The following GK5 variants were observed in gnomAD, a reference collection of about 807,000 sequenced individuals.
The protein encoded by GK5 is glycerol kinase 5, also known as ATP:glycerol 3-phosphotransferase 5.
In GK5, 39 loss-of-function variants were observed where a neutral mutation model predicts 77.3. That is an observed-to-expected ratio of 0.50 (90% CI 0.39 to 0.66). GK5 has a LOEUF of 0.66. GK5 is among the 30% of genes least tolerant of loss of function. The probability of loss-of-function intolerance (pLI) is 0.00; values close to 1 mark genes in which losing one functional copy is unlikely to be tolerated. For synonymous variants in GK5, 211 were observed against 208.0 expected, an observed-to-expected ratio of 1.01 and a Z score of -0.13; for missense variants, 487 against 633.8, an observed-to-expected ratio of 0.77 and a Z score of 2.49.
At chr3:142,192,171 C>T (rs976674790) in intron 5 of GK5, among the ~76,000 whole-genome samples, 93 of 152,270 alleles carry the variant, frequency 6.1e-4, no homozygotes, top group African/African-American at 2.1e-3. Flanking sequence ...TACTACTACA[C>T]ACCTATTAAA....
Position 142,174,129 on chromosome 3 carries a change from A to AG in GK5, c.1144-1674dup, listed in dbSNP as rs575146060. 8.5e-4 allele frequency among the ~76,000 whole-genome samples: 130 copies of AG among 152,302 alleles called. 1 individual carries two copies. Among genetic ancestry groups the AG allele is most frequent in the Admixed American group, 8.0e-3 (122 of 15,296 alleles). ...TTCCTCAATACACTATAAGTACCAC[A>AG]GGGTGGAACCTTGTCCGATGTACTC... On this transcript the variant is annotated intron_variant, in intron 12 of 15. Coordinates refer to ENST00000392993, the MANE Select transcript of GK5 (RefSeq NM_001039547.3).
chr3:142,217,868 A>C (rs532021001), intron 1 of GK5, among the ~76,000 whole-genome samples: 6 of 152,240 alleles, frequency 3.9e-5, no homozygotes, highest in Non-Finnish European at 8.8e-5. Flanking sequence ...AAGAACTGCC[A>C]TCCCAGATTT....
intron 1 of GK5, among the ~76,000 whole-genome samples, chr3:142,223,432 T>C (rs2064381950): frequency 1.3e-5 from 2 of 152,362 alleles, no homozygotes; most frequent in South Asian, 4.1e-4. Flanking sequence ...TCATTTTTCT[T>C]TTCAGGCTGG....
chr3:142,204,913 G>A (rs1577140631), intron 3 of GK5, 125 bp from the exon 4 acceptor site: 1 of 609,152 alleles, frequency 1.6e-6, no homozygotes. Context: ...AGTTACATGT[G>A]CCTTTCTGAA....
At chr3:142,197,821 A>C (rs1294776525) in intron 5 of GK5, among the ~76,000 whole-genome samples, 2 of 151,834 alleles carry the variant, frequency 1.3e-5, no homozygotes, top group East Asian at 3.9e-4. Context: ...TCAGGAGTTC[A>C]AGACCAGCCT....
intron 2 of GK5, among the ~76,000 whole-genome samples, chr3:142,214,468 T>C (rs2107797498): frequency 6.6e-6 from 1 of 152,294 alleles, no homozygotes; most frequent in African/African-American, 2.4e-5. Context: ...CGGGAAAATC[T>C]GGGACAACTT....
At chr3:142,207,857 T>C (rs867840586) in intron 3 of GK5, among the ~76,000 whole-genome samples, 3 of 152,242 alleles carry the variant, frequency 2.0e-5, no homozygotes, top group Non-Finnish European at 2.9e-5. Flanking sequence ...ACTCTGTTGA[T>C]AGGGTCCTGT....
At chr3:142,186,059 T>C (rs1193274676) in intron 8 of GK5, 70 bp from the exon 9 acceptor site, 1 of 1,337,496 alleles carries the variant, frequency 7.5e-7, no homozygotes, top group Non-Finnish European at 1.1e-6. Context: ...CAGCAAATTG[T>C]TTTTTTGCAT....
rs2063535463 is a variant in GK5, at chr3:142,171,399, T to A, written c.1307+20A>T. 6.8e-7 allele frequency: 1 copy of A among 1,469,508 alleles called. No individual in the cohort carries two copies. Among genetic ancestry groups the A allele is most frequent in the Admixed American group, 2.4e-5 (1 of 42,438 alleles). The allele number at this position is 1,469,508 out of a possible 1,614,324, so 91.0% of individuals were successfully genotyped here. A position where few individuals can be genotyped will look rare whatever the true frequency, so the allele number is the denominator to read the frequency against. The stretch of plus-strand genomic sequence containing the variant: ...ACTTCTAATTTCTAATTAAGTCTAT[T>A]AGAAATAAACTTTACATACCGGATT... On this transcript the variant is annotated intron_variant, in intron 14 of 15. Transcript: ENST00000392993.
At chr3:142,199,766 AG>A (rs1257042903) in intron 4 of GK5, among the ~76,000 whole-genome samples, 36 of 151,160 alleles carry the variant, frequency 2.4e-4, no homozygotes, top group African/African-American at 8.5e-4. Context: ...AAGACATACT[AG>A]GAAAAAAAAA....
chr3:142,216,343 G>A (rs2064276505), intron 1 of GK5, among the ~76,000 whole-genome samples: 1 of 152,110 alleles, frequency 6.6e-6, no homozygotes, highest in Non-Finnish European at 1.5e-5. Context: ...CAGAGGAAAT[G>A]GGGCAGATCT....
chr3:142,174,107 C>T (rs556150258), intron 12 of GK5, among the ~76,000 whole-genome samples: 5 of 152,244 alleles, frequency 3.3e-5, no homozygotes, highest in Admixed American at 3.3e-4. Flanking sequence ...CCCCACCTTC[C>T]TCAATACACT....
At chr3:142,202,700 T>C (rs935948376) in intron 4 of GK5, among the ~76,000 whole-genome samples, 2 of 152,214 alleles carry the variant, frequency 1.3e-5, no homozygotes, top group African/African-American at 4.8e-5. Context: ...TTCATACCTG[T>C]AATACCAGCA....
At chr3:142,220,034 T>C (rs2107800514) in intron 1 of GK5, among the ~76,000 whole-genome samples, 1 of 152,344 alleles carries the variant, frequency 6.6e-6, no homozygotes, top group East Asian at 1.9e-4. Context: ...GGCTTAAACA[T>C]ATGCATGTAT....
At chr3:142,189,749 G>A (rs371799543) in intron 5 of GK5, among the ~76,000 whole-genome samples, 4 of 152,098 alleles carry the variant, frequency 2.6e-5, no homozygotes, top group Admixed American at 6.5e-5. Context: ...AACTAGGACC[G>A]GCTCTCATAG....
chr3:142,197,633 T>C (rs2063953552), intron 5 of GK5, among the ~76,000 whole-genome samples: 1 of 152,232 alleles, frequency 6.6e-6, no homozygotes, highest in Admixed American at 6.5e-5. Flanking sequence ...ATGTCAATTA[T>C]GACAGTAAAT....
intron 11 of GK5, among the ~76,000 whole-genome samples, chr3:142,180,220 A>G (rs2063675188): frequency 6.6e-6 from 1 of 152,150 alleles, no homozygotes; most frequent in African/African-American, 2.4e-5. Context: ...CTGTGGCTGC[A>G]GTGACAGCAG....
chr3:142,205,899 C>T (rs923696530), intron 3 of GK5, among the ~76,000 whole-genome samples: 29 of 152,196 alleles, frequency 1.9e-4, no homozygotes, highest in Admixed American at 1.6e-3. Flanking sequence ...ATTAGGAAAT[C>T]ATTCCCCATT....
chr3:142,191,989 A>G (rs747431061), intron 5 of GK5, among the ~76,000 whole-genome samples: 7 of 152,052 alleles, frequency 4.6e-5, no homozygotes, highest in Non-Finnish European at 1.0e-4. Flanking sequence ...CAGAGCAAGA[A>G]TCTGTCTCAA....
Sources: gnomAD v4.1 joint callset for allele counts (sites outside exome capture counted in the v4.1 genomes callset) on GRCh38, gnomAD v4.1.1 for gene constraint, MANE v1.5 for transcripts, NCBI Gene and HGNC (gene_info 2026-07-23, HGNC 2026-07-21) for gene names.